Variants in ABCC2 observed in about 807,000 individuals in gnomAD.
The protein encoded by ABCC2 is ATP binding cassette subfamily C member 2, also known as ATP-binding cassette sub-family C member 2.
ABCC2 carries 157 observed loss-of-function variants against 173.4 expected under a neutral mutation model. The observed-to-expected ratio is 0.91, with a 90% confidence interval of 0.80 to 1.03. The LOEUF (loss-of-function observed/expected upper bound fraction) is 1.03. ABCC2 is among the 50% of genes least tolerant of loss of function. The pLI is 0.00. For missense variants in ABCC2, 1,822 were observed against 1,852.3 expected (o/e 0.98, Z 0.30); for synonymous variants, 657 against 693.5 (o/e 0.95, Z 0.83).
At chr10:99,827,474 A>G (rs1238537921) in intron 19 of ABCC2, among the ~76,000 whole-genome samples, 1 of 152,114 alleles carries the variant, frequency 6.6e-6, no homozygotes, top group Non-Finnish European at 1.5e-5. Context: ...TTTCATTACA[A>G]TCTACTATAC....
chr10:99,821,790 TCCC>T (rs988320523), intron 19 of ABCC2, among the ~76,000 whole-genome samples: 218 of 151,888 alleles, frequency 1.4e-3, no homozygotes, highest in African/African-American at 4.8e-3. Context: ...CTCTTGCTTT[TCCC>T]CACATTTCCC....
At chr10:99,825,034 T>G (rs2038607833) in intron 19 of ABCC2, among the ~76,000 whole-genome samples, 1 of 141,534 alleles carries the variant, frequency 7.1e-6, no homozygotes, top group African/African-American at 2.7e-5. Flanking sequence ...ACCCTATTCC[T>G]TCTCTTTCTT....
chr10:99,839,170 G>A (rs1750903092), intron 25 of ABCC2, among the ~76,000 whole-genome samples: 1 of 123,488 alleles, frequency 8.1e-6, no homozygotes, highest in African/African-American at 3.1e-5. Context: ...CGGACGGGGC[G>A]GCTGGCCGGG....
At position 99,797,332 on chromosome 10, in the gene ABCC2, G is replaced by A. The variant is rs371696765; in HGVS notation, c.867+1G>A. The A allele has an allele frequency of 4.3e-6, 7 of 1,610,134 alleles. No individual in the cohort carries two copies. Among genetic ancestry groups the A allele is most frequent in the Non-Finnish European group, 8.5e-7 (1 of 1,178,314 alleles). ...TCAAAGCCAAGATGCCCTTGTCCTGGTAACTTTCCCTTGAGTGTCTGTGTG... is the reference window on the plus strand; with the variant it reads ...TCAAAGCCAAGATGCCCTTGTCCTGATAACTTTCCCTTGAGTGTCTGTGTG... On this transcript the variant is annotated splice_donor_variant, in intron 7 of 31. Transcript: ENST00000647814. LOFTEE classifies it high-confidence loss of function.
At chr10:99,801,278 C>T (rs981798237) in intron 9 of ABCC2, among the ~76,000 whole-genome samples, 3 of 151,984 alleles carry the variant, frequency 2.0e-5, no homozygotes, top group Non-Finnish European at 4.4e-5. Context: ...GCTCTATCAC[C>T]GAGGCTGGAG....
chr10:99,836,072 C>A lies in ABCC2; in HGVS notation c.3415-19C>A. The A allele has an allele frequency of 6.2e-7, 1 of 1,612,346 alleles. No homozygotes were observed. On this transcript the variant is annotated intron_variant, in intron 24 of 31. Coordinates refer to ENST00000647814, the MANE Select transcript of ABCC2 (RefSeq NM_000392.5). ...CTCATGACTGCGGGACTGGCTGATTCTTTACTTTTTGTGTCCAGATGTTTT... is the reference window on the plus strand; with the variant it reads ...CTCATGACTGCGGGACTGGCTGATTATTTACTTTTTGTGTCCAGATGTTTT...
chr10:99,809,381 AG>A (rs1449456552), intron 13 of ABCC2, among the ~76,000 whole-genome samples: 1 of 152,188 alleles, frequency 6.6e-6, no homozygotes, highest in Non-Finnish European at 1.5e-5. Context: ...TCAAAACAAA[AG>A]GGTCAGATGG....
At position 99,819,227 on chromosome 10, in the gene ABCC2, A is replaced by T. The variant is rs765109547; in HGVS notation, c.2578A>T (p.Lys860Ter). 2 of 1,614,026 alleles carry T rather than the reference A, an allele frequency of 1.2e-6. No individual in the cohort carries two copies. Among genetic ancestry groups the T allele is most frequent in the Non-Finnish European group, 1.7e-6 (2 of 1,180,038 alleles). ...AAAAGGAGAGTTTGCTAAGAATCTG[A>T]AGACATTTCTAAGACATACAGGCCC... is the stretch of plus-strand genomic sequence containing the variant. ...AKKGEFAKNL[K>*]TFLRHTGPEE... is the part of the protein sequence containing the mutation. Residue 860 changes from lysine to a stop codon, truncating the protein, a stop_gained, in exon 19 of 32, where the codon AAG becomes TAG. Transcript: ENST00000647814. LOFTEE classifies it high-confidence loss of function.
intron 5 of ABCC2, 146 bp downstream of exon 5, chr10:99,794,145 G>C: frequency 3.2e-6 from 2 of 632,376 alleles, no homozygotes; most frequent in South Asian, 3.5e-5. Flanking sequence ...GAAACAGATA[G>C]TGATGAGAGT....
intron 7 of ABCC2, chr10:99,797,556 G>A (rs2037940593): frequency 3.6e-6 from 2 of 549,714 alleles, no homozygotes; most frequent in South Asian, 4.3e-5. Context: ...TTTCCAGAAT[G>A]AAACGTGGTT....
rs1173963572 is a variant in ABCC2, at chr10:99,832,827, G to A, written c.3258+696G>A. On this transcript the variant is annotated intron_variant, in intron 23 of 31. Transcript: ENST00000647814. ...TCACTCATTCATTCATTCAACAACCGTTATTGAGCACTTTCTATGAGCCAA... is the reference window on the plus strand; with the variant it reads ...TCACTCATTCATTCATTCAACAACCATTATTGAGCACTTTCTATGAGCCAA... 4.6e-5 allele frequency among the ~76,000 whole-genome samples: 7 copies of A among 152,164 alleles called. No individual in the cohort carries two copies. The East Asian group carries it at 1.2e-3, about 25-fold the overall frequency.
rs1246395464 is a variant in ABCC2, at chr10:99,808,076, T to C, written c.1669-7T>C. ...GAATAAATTGCTCATGACCTTGCCCTTTCCAGGTATCTGTGGTCACATTTT... is the reference window on the plus strand; with the variant it reads ...GAATAAATTGCTCATGACCTTGCCCCTTCCAGGTATCTGTGGTCACATTTT... On this transcript the variant is annotated splice_polypyrimidine_tract_variant and splice_region_variant and intron_variant, in intron 12 of 31. Coordinates refer to ENST00000647814, the MANE Select transcript of ABCC2 (RefSeq NM_000392.5). The C allele has an allele frequency of 6.2e-7, 1 of 1,614,064 alleles. No individual in the cohort carries two copies. The highest frequency in any genetic ancestry group is 2.2e-5 in the East Asian group (1 of 44,876).
At position 99,793,603 on chromosome 10, in the gene ABCC2, C is replaced by G; in HGVS notation, c.386C>G (p.Ser129Cys). 1 of 1,614,098 alleles carries G rather than the reference C, an allele frequency of 6.2e-7. No individual in the cohort carries two copies. Among genetic ancestry groups the G allele is most frequent in the Non-Finnish European group, 8.5e-7 (1 of 1,179,990 alleles). Residue 129 changes from serine (S) to cysteine (C), a missense_variant, in exon 4 of 32, where the codon TCC becomes TGC. Coordinates refer to ENST00000647814, the MANE Select transcript of ABCC2 (RefSeq NM_000392.5). Reference protein sequence around the residue: ...YSRQWCVQKNSWFLSLFWILS... With the variant: ...YSRQWCVQKNCWFLSLFWILS... ...AGACAATGGTGTGTACAGAAAAACTCCTGGTTCCTGTCCCTATTCTGGATT... is the reference window on the plus strand; with the variant it reads ...AGACAATGGTGTGTACAGAAAAACTGCTGGTTCCTGTCCCTATTCTGGATT...
chr10:99,848,312 A>G (rs1365493533), intron 30 of ABCC2, among the ~76,000 whole-genome samples: 1 of 152,214 alleles, frequency 6.6e-6, no homozygotes, highest in African/African-American at 2.4e-5. Context: ...TTGACAGTTC[A>G]CTTCTGGCCT....
chr10:99,832,690 A>T (rs1425535500), intron 23 of ABCC2, among the ~76,000 whole-genome samples: 1 of 152,220 alleles, frequency 6.6e-6, no homozygotes, highest in Non-Finnish European at 1.5e-5. Context: ...TCTATCTTGA[A>T]TGCTTTAAGA....
intron 30 of ABCC2, among the ~76,000 whole-genome samples, chr10:99,849,101 G>A (rs763022479): frequency 5.3e-5 from 8 of 152,154 alleles, no homozygotes; most frequent in Admixed American, 3.3e-4. Context: ...GCACAGGCCT[G>A]TAATCCCAGC....
intron 2 of ABCC2, among the ~76,000 whole-genome samples, chr10:99,790,116 C>A (rs1380291903): frequency 6.6e-6 from 1 of 152,100 alleles, no homozygotes; most frequent in Non-Finnish European, 1.5e-5. Flanking sequence ...GATAAATTCC[C>A]AAAAATGAAA....
At chr10:99,830,584 C>T (rs2038721438) in intron 20 of ABCC2, 132 bp from the exon 21 acceptor site, 1 of 1,557,190 alleles carries the variant, frequency 6.4e-7, no homozygotes, top group South Asian at 1.1e-5. Context: ...GGGGAAAGAT[C>T]GGGGTTGTGT....
At position 99,794,462 on chromosome 10, in the gene ABCC2, A is replaced by G. The variant is rs1396526793; in HGVS notation, c.626A>G (p.Tyr209Cys). The change falls in exon 6 of 32, where the codon TAT (tyrosine) becomes TGT (cysteine). Residue 209 changes from tyrosine to cysteine, a missense_variant. Transcript: ENST00000647814. ...CTGAGTAGCATTACCTACAGCTGGTATGACAGGTAGGAAAGCCTGGAGTAT... is the reference window on the plus strand; with the variant it reads ...CTGAGTAGCATTACCTACAGCTGGTGTGACAGGTAGGAAAGCCTGGAGTAT... ...SFLSSITYSW[Y>C]DSIILKGYKR... The G allele has an allele frequency of 1.2e-6, 2 of 1,613,408 alleles. No homozygotes were observed. The highest frequency in any genetic ancestry group is 1.1e-5 in the South Asian group (1 of 91,068).
Sources: gnomAD v4.1 joint callset for allele counts (sites outside exome capture counted in the v4.1 genomes callset) on GRCh38, gnomAD v4.1.1 for gene constraint, MANE v1.5 for transcripts, NCBI Gene and HGNC (gene_info 2026-07-23, HGNC 2026-07-21) for gene names.